Variants in DAB1 observed in about 807,000 individuals in gnomAD.
The protein encoded by DAB1 is disabled homolog 1.
DAB1 carries 15 observed loss-of-function variants against 64.6 expected under a neutral mutation model. The ratio of observed to expected loss-of-function variants is 0.23; its 90% CI spans 0.16 to 0.36. The LOEUF (loss-of-function observed/expected upper bound fraction) is 0.36, where lower values mean the gene tolerates loss of function less well. Among genes scored for constraint, DAB1 ranks in the 10% least tolerant of loss-of-function variants. The probability of loss-of-function intolerance (pLI) is 1.00; values close to 1 mark genes in which losing one functional copy is unlikely to be tolerated. For missense variants in DAB1, 596 were observed against 706.7 expected (o/e 0.84, Z 1.78); for synonymous variants, 235 against 251.9 (o/e 0.93, Z 0.64).
At chr1:57,612,489 A>G (rs1487833616) in intron 7 of DAB1, among the ~76,000 whole-genome samples, 3 of 152,124 alleles carry the variant, frequency 2.0e-5, no homozygotes, top group Non-Finnish European at 4.4e-5. Context: ...GAGAAGATGT[A>G]AGGACAGAAT....
intron 6 of DAB1, among the ~76,000 whole-genome samples, chr1:57,722,420 C>T (rs1005137978): frequency 2.0e-5 from 3 of 152,146 alleles, no homozygotes; most frequent in Non-Finnish European, 4.4e-5. Flanking sequence ...TATACACTAC[C>T]ACTTGCCTCT....
intron 6 of DAB1, among the ~76,000 whole-genome samples, chr1:57,658,066 A>G (rs927622487): frequency 6.6e-6 from 1 of 152,160 alleles, no homozygotes; most frequent in African/African-American, 2.4e-5. Context: ...ATGAGTACAG[A>G]GAAGTAAACA....
intron 3 of DAB1, among the ~76,000 whole-genome samples, chr1:58,345,833 C>G (rs1472915018): frequency 6.6e-6 from 1 of 152,118 alleles, no homozygotes; most frequent in African/African-American, 2.4e-5. Flanking sequence ...TTTCATCTAT[C>G]AGTGCTGAGT....
In DAB1 at chr1:58,251,657, G is replaced by T. The variant is rs181209128; in HGVS notation, n.309+91695C>A. ...AATGTAGCAAGAGTGATGAGTTGGT[G>T]ACACGAGATGAGGTGGAGAGGTTGA... On this transcript the variant is annotated intron_variant and non_coding_transcript_variant, in intron 4 of 20. Coordinates refer to the DAB1 transcript ENST00000485760. Among the ~76,000 whole-genome samples, 15 of 152,326 alleles carry T rather than the reference G, an allele frequency of 9.8e-5. No homozygotes were observed. In the East Asian group the frequency reaches 2.5e-3, roughly 25 times the overall value.
At chr1:57,552,165 G>A (rs1185616156) in intron 7 of DAB1, among the ~76,000 whole-genome samples, 1 of 152,108 alleles carries the variant, frequency 6.6e-6, no homozygotes, top group East Asian at 1.9e-4. Flanking sequence ...TCACAATTGG[G>A]ACACTCCAAA....
chr1:58,402,349 G>A (rs773185208), intron 3 of DAB1, among the ~76,000 whole-genome samples: 6 of 152,180 alleles, frequency 3.9e-5, no homozygotes, highest in African/African-American at 1.2e-4. Flanking sequence ...CGCAAGAAAC[G>A]TGTAACTAGC....
At chr1:57,191,073 C>T (rs1349776999) in intron 2 of DAB1, among the ~76,000 whole-genome samples, 1 of 152,116 alleles carries the variant, frequency 6.6e-6, no homozygotes, top group Non-Finnish European at 1.5e-5. Context: ...TGAAATGGTG[C>T]ACACGTATCT....
intron 9 of DAB1, among the ~76,000 whole-genome samples, chr1:57,043,584 C>G (rs1338798941): frequency 6.6e-6 from 1 of 152,208 alleles, no homozygotes; most frequent in African/African-American, 2.4e-5. Context: ...CGGCGGCTCA[C>G]GCCTGTAATC....
intron 1 of DAB1, among the ~76,000 whole-genome samples, chr1:57,837,354 G>A (rs999410694): frequency 6.6e-6 from 1 of 152,080 alleles, no homozygotes; most frequent in Non-Finnish European, 1.5e-5. Flanking sequence ...CTTGCCCCAT[G>A]CTTTCTAGTC....
At chr1:57,797,654 A>G (rs549091152) in intron 6 of DAB1, among the ~76,000 whole-genome samples, 93 of 152,358 alleles carry the variant, frequency 6.1e-4, no homozygotes, top group African/African-American at 2.1e-3. Flanking sequence ...TTACACGTAT[A>G]AAAGAGGTTA....
At position 57,493,762 on chromosome 1, in the gene DAB1, G is replaced by GCACACACACACACACACA. The variant is rs1414667024; in HGVS notation, n.625+155829_625+155830insTGTGTGTGTGTGTGTGTG. Reference sequence around the variant, plus strand: ...AGGGAGGCAGGCTGACGTATTCACAGCTCACACACACACACACACACACAC... The same window carrying GCACACACACACACACACA: ...AGGGAGGCAGGCTGACGTATTCACAGCACACACACACACACACACTCACACACACACACACACACACAC... On this transcript the variant is annotated intron_variant and non_coding_transcript_variant, in intron 7 of 20. Coordinates refer to the DAB1 transcript ENST00000485760. Among the ~76,000 whole-genome samples the GCACACACACACACACACA allele has an allele frequency of 2.9e-3, 435 of 150,188 alleles. 2 individuals are homozygous for GCACACACACACACACACA. The highest frequency in any genetic ancestry group is 7.9e-3 in the Admixed American group (119 of 15,138).
chr1:57,666,188 T>C (rs1423129560), intron 6 of DAB1, among the ~76,000 whole-genome samples: 1 of 151,986 alleles, frequency 6.6e-6, no homozygotes, highest in African/African-American at 2.4e-5. Context: ...CATTCAGCTG[T>C]AGAAAACCAT....
intron 4 of DAB1, among the ~76,000 whole-genome samples, chr1:58,312,056 C>T (rs1165700852): frequency 6.6e-6 from 1 of 152,046 alleles, no homozygotes; most frequent in African/African-American, 2.4e-5. Flanking sequence ...ATAAAGGAAG[C>T]AAGAAAAAGC....
chr1:57,803,771 G>T (rs1198074863), intron 6 of DAB1, among the ~76,000 whole-genome samples: 4 of 152,336 alleles, frequency 2.6e-5, no homozygotes, highest in South Asian at 4.1e-4. Context: ...GCATGGCTCT[G>T]TTTTCTCTTG....
chr1:57,166,333 T>G (rs1018308334), intron 2 of DAB1, among the ~76,000 whole-genome samples: 5 of 151,982 alleles, frequency 3.3e-5, no homozygotes, highest in African/African-American at 1.2e-4. Context: ...TTGCAAAGAA[T>G]TGAAAAACAA....
At chr1:58,253,058 CTAGTGGA>C (rs973641719) in intron 4 of DAB1, among the ~76,000 whole-genome samples, 127 of 152,266 alleles carry the variant, frequency 8.3e-4, no homozygotes, top group Admixed American at 8.3e-3. Flanking sequence ...AGAACAGATG[CTAGTGGA>C]TGTACCTTTG....
At chr1:58,061,670 T>C (rs908563177) in intron 5 of DAB1, among the ~76,000 whole-genome samples, 6 of 152,118 alleles carry the variant, frequency 3.9e-5, no homozygotes, top group African/African-American at 1.4e-4. Flanking sequence ...ACATATAAAT[T>C]TGGGGTGAGA....
At chr1:57,735,460 C>CTA (rs1457933965) in intron 6 of DAB1, among the ~76,000 whole-genome samples, 1 of 151,826 alleles carries the variant, frequency 6.6e-6, no homozygotes, top group East Asian at 1.9e-4. Flanking sequence ...TAAGTACTGC[C>CTA]TATATGTCAG....
At chr1:57,866,779 A>G (rs1435618779) in intron 1 of DAB1, among the ~76,000 whole-genome samples, 3 of 152,172 alleles carry the variant, frequency 2.0e-5, no homozygotes, top group Non-Finnish European at 2.9e-5. Flanking sequence ...GAAAATGAGC[A>G]CAGGATTGTG....
Sources: gnomAD v4.1 joint callset for allele counts (sites outside exome capture counted in the v4.1 genomes callset) on GRCh38, gnomAD v4.1.1 for gene constraint, MANE v1.5 for transcripts, NCBI Gene and HGNC (gene_info 2026-07-23, HGNC 2026-07-21) for gene names.